Variants in SEMA6D observed in about 807,000 individuals in gnomAD.
SEMA6D encodes the protein semaphorin-6D.
Under a neutral mutation model 106.6 loss-of-function variants are expected in SEMA6D, and 35 were observed. The ratio of observed to expected loss-of-function variants is 0.33; its 90% CI spans 0.25 to 0.44. The LOEUF (loss-of-function observed/expected upper bound fraction) is 0.44, where lower values mean the gene tolerates loss of function less well. Among genes scored for constraint, SEMA6D ranks in the 20% least tolerant of loss-of-function variants. The pLI is 1.00. For missense variants in SEMA6D, 1,185 were observed against 1,345.9 expected, an observed-to-expected ratio of 0.88 and a Z score of 1.87; for synonymous variants, 499 against 487.7, an observed-to-expected ratio of 1.02 and a Z score of -0.31.
intron 3 of SEMA6D, among the ~76,000 whole-genome samples, chr15:47,579,705 C>G (rs1247286287): frequency 2.0e-5 from 3 of 152,044 alleles, no homozygotes; most frequent in Non-Finnish European, 4.4e-5. Flanking sequence ...GTAATTTGCA[C>G]TTAATAAGAC....
At chr15:47,694,744 G>GT (rs2078663519) in intron 4 of SEMA6D, among the ~76,000 whole-genome samples, 1 of 152,132 alleles carries the variant, frequency 6.6e-6, no homozygotes, top group Non-Finnish European at 1.5e-5. Flanking sequence ...TCAACTGCAA[G>GT]TTATTTTTTG....
chr15:47,235,884 G>A (rs2032507602), intron 1 of SEMA6D, among the ~76,000 whole-genome samples: 1 of 151,990 alleles, frequency 6.6e-6, no homozygotes, highest in Non-Finnish European at 1.5e-5. Context: ...CCTTTTGAGT[G>A]GATCTTCCAG....
intron 3 of SEMA6D, among the ~76,000 whole-genome samples, chr15:47,473,703 G>A (rs144123694): frequency 1.2e-4 from 19 of 152,166 alleles, no homozygotes; most frequent in African/African-American, 4.3e-4. Context: ...TCAGAGACAC[G>A]TCTTCCAGAC....
At chr15:47,335,628 C>T (rs984843032) in intron 1 of SEMA6D, among the ~76,000 whole-genome samples, 4 of 152,100 alleles carry the variant, frequency 2.6e-5, no homozygotes, top group Admixed American at 2.6e-4. Context: ...GTGCCCCACA[C>T]GATGTTATTC....
chr15:47,467,201 T>A (rs563790237), intron 2 of SEMA6D, among the ~76,000 whole-genome samples: 2 of 152,126 alleles, frequency 1.3e-5, no homozygotes, highest in East Asian at 3.9e-4. Flanking sequence ...TCCATATCAA[T>A]GTAAAAGGCT....
chr15:47,663,068 G>A lies in SEMA6D; in HGVS notation c.-55+62172G>A, dbSNP rs1043814632. On this transcript the variant is annotated intron_variant, in intron 4 of 19. Coordinates refer to the SEMA6D transcript ENST00000558014. The stretch of plus-strand genomic sequence containing the variant: ...CATTGAAGATCAGAGTAAAGTACTC[G>A]TAATTAAATTTCAAAGCAATTTTAA... 4.6e-5 allele frequency among the ~76,000 whole-genome samples: 7 copies of A among 152,122 alleles called. No homozygotes were observed. The East Asian group carries it at 5.8e-4, about 13-fold the overall frequency.
intron 1 of SEMA6D, among the ~76,000 whole-genome samples, chr15:47,216,324 CAAATT>C (rs572960365): frequency 0.012 from 1,847 of 152,172 alleles, 39 homozygotes; most frequent in Admixed American, 0.012. Flanking sequence ...TATGTTAACT[CAAATT>C]AAAGATTCAA....
intron 1 of SEMA6D, among the ~76,000 whole-genome samples, chr15:47,325,079 G>A (rs913336953): frequency 6.6e-6 from 1 of 152,012 alleles, no homozygotes; most frequent in Non-Finnish European, 1.5e-5. Flanking sequence ...AGTTGTTTTT[G>A]TATAGAGTAG....
chr15:47,588,074 G>A (rs2076375033), intron 3 of SEMA6D, among the ~76,000 whole-genome samples: 1 of 152,130 alleles, frequency 6.6e-6, no homozygotes, highest in African/African-American at 2.4e-5. Flanking sequence ...CTCATAGAAA[G>A]ACTGAGCAGA....
At chr15:47,255,928 CAGCAGCCATTTATTGAAA>C (rs2142004651) in intron 1 of SEMA6D, among the ~76,000 whole-genome samples, 1 of 152,222 alleles carries the variant, frequency 6.6e-6, no homozygotes, top group African/African-American at 2.4e-5. Context: ...CCAGTTGCTC[CAGCAGCCATTTATTGAAA>C]AGGCTATCTT....
intron 1 of SEMA6D, among the ~76,000 whole-genome samples, chr15:47,270,116 A>G (rs1022856871): frequency 2.7e-5 from 4 of 148,756 alleles, no homozygotes; most frequent in Non-Finnish European, 5.9e-5. Context: ...TTTATTTAAC[A>G]TGTTTATTAA....
At chr15:47,360,317 T>C (rs1022072539) in intron 1 of SEMA6D, among the ~76,000 whole-genome samples, 2 of 152,202 alleles carry the variant, frequency 1.3e-5, no homozygotes, top group African/African-American at 4.8e-5. Context: ...GCATAGCAGA[T>C]AAGCATAAGT....
chr15:47,547,413 A>G (rs2045557926), intron 3 of SEMA6D, among the ~76,000 whole-genome samples: 1 of 152,200 alleles, frequency 6.6e-6, no homozygotes, highest in South Asian at 2.1e-4. Context: ...ACTGCAGAAT[A>G]AAATGTCTTG....
rs141636495 is a variant in SEMA6D at position 47,743,305 on chromosome 15, A to G, written c.-54-16440A>G. On this transcript the variant is annotated intron_variant, in intron 1 of 18. Coordinates refer to ENST00000536845, the MANE Select transcript of SEMA6D (RefSeq NM_001358351.3). ...AATATGTTGGTGCGTGTATGTGTTC[A>G]TTACTGGTGATCGTGGATGACCTGT... 3.7e-3 allele frequency among the ~76,000 whole-genome samples: 570 copies of G among 152,292 alleles called. 4 individuals are homozygous for G. The highest frequency in any genetic ancestry group is 0.013 in the African/African-American group (533 of 41,564).
chr15:47,440,663 A>C (rs1414905101), intron 2 of SEMA6D, among the ~76,000 whole-genome samples: 1 of 152,066 alleles, frequency 6.6e-6, no homozygotes, highest in Admixed American at 6.6e-5. Context: ...AAAAAAAAAA[A>C]GACGGGTGTT....
chr15:47,571,984 G>A (rs2046397037), intron 3 of SEMA6D, among the ~76,000 whole-genome samples: 1 of 152,136 alleles, frequency 6.6e-6, no homozygotes, highest in African/African-American at 2.4e-5. Context: ...CCAGTACTTA[G>A]TTTAAAGTAT....
At chr15:47,557,440 GAT>G (rs1325108049) in intron 3 of SEMA6D, among the ~76,000 whole-genome samples, 16 of 152,296 alleles carry the variant, frequency 1.1e-4, no homozygotes, top group South Asian at 4.1e-4. Context: ...CAAATGCATA[GAT>G]AAGCTTTTTT....
chr15:47,664,793 C>T (rs1342079307), intron 4 of SEMA6D, among the ~76,000 whole-genome samples: 2 of 152,214 alleles, frequency 1.3e-5, no homozygotes, highest in Non-Finnish European at 2.9e-5. Context: ...TTTCTCTTTG[C>T]AGTTGTTCAA....
chr15:47,206,673 C>T lies in SEMA6D; in HGVS notation c.-239+22255C>T, dbSNP rs573122424. ...GCAGACATAATAAATGCATGGTTCT[C>T]GGGTGGTCATGTGTGCATGTTCTGA... On this transcript the variant is annotated intron_variant, in intron 1 of 19. Transcript: ENST00000558014. 3.7e-4 allele frequency among the ~76,000 whole-genome samples: 57 copies of T among 152,174 alleles called. 1 individual carries two copies. The highest frequency in any genetic ancestry group is 1.2e-3 in the African/African-American group (49 of 41,530).
Sources: gnomAD v4.1 joint callset for allele counts (sites outside exome capture counted in the v4.1 genomes callset) on GRCh38, gnomAD v4.1.1 for gene constraint, MANE v1.5 for transcripts, NCBI Gene and HGNC (gene_info 2026-07-23, HGNC 2026-07-21) for gene names.